Variants in PARD3 observed in about 807,000 individuals in gnomAD.
PARD3 encodes par-3 family cell polarity regulator.
PARD3 carries 75 observed loss-of-function variants against 155.4 expected under a neutral mutation model. That is an observed-to-expected ratio of 0.48 (90% CI 0.40 to 0.58). PARD3 has a LOEUF of 0.58. PARD3 is among the 20% of genes least tolerant of loss of function. The pLI, the probability that PARD3 is intolerant of heterozygous loss-of-function variation, is 0.00. For missense variants in PARD3, 1,642 were observed against 1,721.7 expected (o/e 0.95, Z 0.82); for synonymous variants, 576 against 610.5 (o/e 0.94, Z 0.83).
intron 22 of PARD3, among the ~76,000 whole-genome samples, chr10:34,144,886 G>T (rs992693921): frequency 2.0e-5 from 3 of 151,912 alleles, no homozygotes; most frequent in Admixed American, 6.6e-5. Flanking sequence ...CACCACATAC[G>T]CCAATCTAGG....
chr10:34,425,787 C>T (rs2075570456), intron 5 of PARD3, among the ~76,000 whole-genome samples: 2 of 152,216 alleles, frequency 1.3e-5, no homozygotes, highest in African/African-American at 2.4e-5. Context: ...TCTAGTTTAA[C>T]TCTTACTTGT....
chr10:34,592,501 C>A (rs2088802132), intron 2 of PARD3, among the ~76,000 whole-genome samples: 1 of 152,182 alleles, frequency 6.6e-6, no homozygotes, highest in Non-Finnish European at 1.5e-5. Context: ...CTGGGCTGGG[C>A]ATGGTGGCTC....
chr10:34,722,829 A>G (rs930121470), intron 1 of PARD3, among the ~76,000 whole-genome samples: 2 of 152,206 alleles, frequency 1.3e-5, no homozygotes, highest in African/African-American at 2.4e-5. Flanking sequence ...TTTGACAAAT[A>G]CATATATTGA....
chr10:34,343,379 G>A (rs1490732342), intron 15 of PARD3: 4 of 982,726 alleles, frequency 4.1e-6, no homozygotes, highest in Admixed American at 1.2e-4. Context: ...CACTGAAAGG[G>A]GCATATGATT....
At chr10:34,544,683 G>A (rs976779949) in intron 2 of PARD3, among the ~76,000 whole-genome samples, 5 of 152,104 alleles carry the variant, frequency 3.3e-5, no homozygotes, top group African/African-American at 1.2e-4. Context: ...ACTCAAGTTT[G>A]GGAAACTCTG....
At chr10:34,197,916 G>C (rs1951024689) in intron 22 of PARD3, among the ~76,000 whole-genome samples, 3 of 152,206 alleles carry the variant, frequency 2.0e-5, no homozygotes, top group Non-Finnish European at 1.5e-5. Flanking sequence ...TTTTAGTAGA[G>C]ACAGGGTTTC....
At chr10:34,683,036 A>G (rs1347049409) in intron 2 of PARD3, among the ~76,000 whole-genome samples, 2 of 152,324 alleles carry the variant, frequency 1.3e-5, no homozygotes, top group East Asian at 3.9e-4. Context: ...CTTAATGTGA[A>G]TTCTAAGGCT....
At position 34,642,547 on chromosome 10, in the gene PARD3, G is replaced by GT. The variant is rs1212872904; in HGVS notation, c.222+53770dup. ...TCCCCAGGCCTCTCCTAAGCCCCTAGTTTGATTACCTGCACAAACTGCAAT... is the reference window on the plus strand; with the variant it reads ...TCCCCAGGCCTCTCCTAAGCCCCTAGTTTTGATTACCTGCACAAACTGCAAT... On this transcript the variant is annotated intron_variant, in intron 2 of 24. Transcript: ENST00000374788. Among the ~76,000 whole-genome samples the GT allele has an allele frequency of 5.3e-5, 8 of 152,132 alleles. No individual in the cohort carries two copies. In the East Asian group the frequency reaches 1.4e-3, roughly 26 times the overall value.
intron 22 of PARD3, among the ~76,000 whole-genome samples, chr10:34,236,848 G>A (rs752405788): frequency 9.9e-5 from 15 of 152,130 alleles, no homozygotes; most frequent in Non-Finnish European, 1.9e-4. Context: ...GGGAGTGCAG[G>A]GGGAGAGTGA....
rs186263534 is a variant in PARD3, at chr10:34,183,249, A to G, written c.3420-51666T>C. On this transcript the variant is annotated intron_variant, in intron 22 of 24. Coordinates refer to ENST00000374788, the MANE Select transcript of PARD3 (RefSeq NM_001184785.2). ...TCCAGCTGCTGCATATCTTTTTGAG[A>G]CAGGGTCTTGCTCTGTCGCCCAGAC... Among the ~76,000 whole-genome samples the G allele has an allele frequency of 1.6e-3, 250 of 152,320 alleles. 1 individual carries two copies. The highest frequency in any genetic ancestry group is 6.8e-3 in the Middle Eastern group (2 of 294).
chr10:34,693,874 A>T (rs2094115017), intron 2 of PARD3, among the ~76,000 whole-genome samples: 2 of 152,178 alleles, frequency 1.3e-5, no homozygotes, highest in Admixed American at 6.5e-5. Context: ...GCTATGGTTC[A>T]TGGACACAGA....
At chr10:34,678,223 C>T (rs2093747809) in intron 2 of PARD3, among the ~76,000 whole-genome samples, 1 of 152,024 alleles carries the variant, frequency 6.6e-6, no homozygotes, top group South Asian at 2.1e-4. Context: ...TATAGGTGTG[C>T]ACCACCATGC....
intron 1 of PARD3, among the ~76,000 whole-genome samples, chr10:34,700,339 G>C (rs938650291): frequency 6.6e-6 from 1 of 152,240 alleles, no homozygotes; most frequent in Admixed American, 6.5e-5. Flanking sequence ...GATGCAAGTT[G>C]CAAGGAATGC....
At chr10:34,357,079 A>G (rs763080958) in intron 14 of PARD3, among the ~76,000 whole-genome samples, 11 of 152,194 alleles carry the variant, frequency 7.2e-5, no homozygotes, top group Non-Finnish European at 1.0e-4. Flanking sequence ...GGGGGATTCC[A>G]ATTTCACATC....
At chr10:34,573,295 G>A (rs1208086160) in intron 2 of PARD3, among the ~76,000 whole-genome samples, 3 of 152,194 alleles carry the variant, frequency 2.0e-5, no homozygotes, top group East Asian at 1.9e-4. Flanking sequence ...GGTTGAGGCT[G>A]TAGTGAACCA....
In PARD3 at chr10:34,600,517, G is replaced by C. The variant is rs572920046; in HGVS notation, c.223-83358C>G. On this transcript the variant is annotated intron_variant, in intron 2 of 24. Transcript: ENST00000374788. The stretch of plus-strand genomic sequence containing the variant: ...AAAAACAGCATCCATGTGTCCACCA[G>C]AATATCTGTACATGAATATTGAAAG... Among the ~76,000 whole-genome samples, 7 of 152,218 alleles carry C rather than the reference G, an allele frequency of 4.6e-5. 1 individual carries two copies. Among genetic ancestry groups the C allele is most frequent in the African/African-American group, 1.7e-4 (7 of 41,552 alleles).
At chr10:34,750,432 A>G (rs1483242317) in intron 1 of PARD3, among the ~76,000 whole-genome samples, 1 of 149,716 alleles carries the variant, frequency 6.7e-6, no homozygotes. Flanking sequence ...TTGTAGTACC[A>G]TTACAGTTAC....
At chr10:34,128,340 T>A (rs554145366) in intron 23 of PARD3, among the ~76,000 whole-genome samples, 1 of 152,252 alleles carries the variant, frequency 6.6e-6, no homozygotes, top group Non-Finnish European at 1.5e-5. Flanking sequence ...AAGATCTTTA[T>A]GATGATCCAC....
intron 15 of PARD3, among the ~76,000 whole-genome samples, chr10:34,347,071 A>C: frequency 6.6e-6 from 1 of 152,240 alleles, no homozygotes; most frequent in East Asian, 1.9e-4. Flanking sequence ...CCATAATGGA[A>C]ACTTGAATTG....
Sources: allele counts gnomAD v4.1 joint callset (sites outside exome capture counted in the v4.1 genomes callset), GRCh38; gene constraint gnomAD v4.1.1; transcripts MANE v1.5; gene names NCBI Gene and HGNC (gene_info 2026-07-23, HGNC 2026-07-21).